USH2A: variants seen among roughly 807,000 people sequenced by gnomAD.
The protein encoded by USH2A is Usher syndrome 2A (autosomal recessive, mild).
A neutral mutation model predicts 538.9 loss-of-function variants in USH2A; 443 were observed. The observed-to-expected ratio is 0.82, with a 90% confidence interval of 0.76 to 0.89. The LOEUF (loss-of-function observed/expected upper bound fraction) is 0.89, where lower values mean the gene tolerates loss of function less well. USH2A is among the 40% of genes least tolerant of loss of function. The probability of loss-of-function intolerance (pLI) is 0.00; values close to 1 mark genes in which losing one functional copy is unlikely to be tolerated. For synonymous variants in USH2A, 2,413 were observed against 2,273.5 expected (o/e 1.06, Z -1.75); for missense variants, 6,633 against 6,324.8 (o/e 1.05, Z -1.65).
rs117516646 is a variant in USH2A at position 216,081,856 on chromosome 1, A to G, written c.5298+1600T>C. Among the ~76,000 whole-genome samples, 10 of 152,166 alleles carry G rather than the reference A, an allele frequency of 6.6e-5. No homozygotes were observed. In the East Asian group the frequency reaches 1.9e-3, roughly 29 times the overall value. ...TACCCTCCTATAATCCCAGGCCTCT[A>G]AAAGTGCTGGAATTATAGGGGTGAG... On this transcript the variant is annotated intron_variant, in intron 26 of 71. Transcript: ENST00000307340.
At chr1:216,024,127 C>T (rs899860136) in intron 32 of USH2A, among the ~76,000 whole-genome samples, 1 of 151,968 alleles carries the variant, frequency 6.6e-6, no homozygotes, top group Admixed American at 6.6e-5. Flanking sequence ...AGCAGGCAGG[C>T]AAACTTTAAA....
intron 21 of USH2A, among the ~76,000 whole-genome samples, chr1:216,117,779 G>A (rs1216027488): frequency 6.7e-6 from 1 of 148,916 alleles, no homozygotes; most frequent in African/African-American, 2.5e-5. Flanking sequence ...CAGAAACACA[G>A]ACACACATAC....
At chr1:215,642,939 G>A (rs557098107) in intron 67 of USH2A, among the ~76,000 whole-genome samples, 13 of 152,224 alleles carry the variant, frequency 8.5e-5, no homozygotes, top group African/African-American at 2.2e-4. Flanking sequence ...CTCCAGACCC[G>A]TTGCTGAGTG....
intron 71 of USH2A, among the ~76,000 whole-genome samples, chr1:215,628,285 C>CTTAT (rs1218964943): frequency 2.0e-5 from 3 of 151,818 alleles, no homozygotes; most frequent in South Asian, 2.1e-4. Context: ...CTGTTTGCTG[C>CTTAT]TTATTTATTT....
chr1:216,379,061 C>T (rs2038887033), intron 3 of USH2A, among the ~76,000 whole-genome samples: 1 of 152,140 alleles, frequency 6.6e-6, no homozygotes, highest in Non-Finnish European at 1.5e-5. Context: ...GGCCTTAGAG[C>T]CCACACTCTG....
rs1553250952 is a variant in USH2A, at chr1:216,327,611, G to C, written c.828C>G (p.Tyr276Ter). ...FVGRMQDFRLYQVALTNREIL... is the reference protein window; with the variant it reads ...FVGRMQDFRL Reference sequence around the variant, plus strand: ...CTTACCTGTTTGTAAGTGCCACTTGGTATAATCGAAAATCTTGCATTCTTC... The same window carrying C: ...CTTACCTGTTTGTAAGTGCCACTTGCTATAATCGAAAATCTTGCATTCTTC... The change falls in exon 5 of 72, where the codon TAC becomes TAG. Residue 276 changes from tyrosine (Y) to a stop codon, truncating the protein, a stop_gained. Coordinates refer to ENST00000307340, the MANE Select transcript of USH2A (RefSeq NM_206933.4). LOFTEE classifies it high-confidence loss of function. 1 of 1,613,166 alleles carries C rather than the reference G, an allele frequency of 6.2e-7. No individual in the cohort carries two copies. The highest frequency in any genetic ancestry group is 8.5e-7 in the Non-Finnish European group (1 of 1,179,468).
At chr1:215,810,887 TA>T (rs1294386135) in intron 49 of USH2A, among the ~76,000 whole-genome samples, 1 of 152,202 alleles carries the variant, frequency 6.6e-6, no homozygotes, top group Non-Finnish European at 1.5e-5. Flanking sequence ...AATTTTGAAA[TA>T]TTTTTGATAG....
At chr1:216,060,332 T>C (rs2031133864) in intron 30 of USH2A, among the ~76,000 whole-genome samples, 1 of 152,200 alleles carries the variant, frequency 6.6e-6, no homozygotes, top group South Asian at 2.1e-4. Flanking sequence ...TCACTAATTA[T>C]TACAGTAGCC....
intron 41 of USH2A, among the ~76,000 whole-genome samples, chr1:215,887,718 A>C (rs1665100744): frequency 1.3e-5 from 2 of 152,206 alleles, no homozygotes; most frequent in South Asian, 4.1e-4. Context: ...CAGCAGATGA[A>C]CTTTGCTGTT....
intron 37 of USH2A, among the ~76,000 whole-genome samples, chr1:215,940,000 C>T (rs1666596868): frequency 1.3e-5 from 2 of 152,002 alleles, no homozygotes; most frequent in Admixed American, 6.6e-5. Flanking sequence ...ATTCATGTGA[C>T]AAAGATTGTA....
chr1:216,099,017 T>C (rs1179012470), intron 21 of USH2A, among the ~76,000 whole-genome samples: 1 of 152,154 alleles, frequency 6.6e-6, no homozygotes, highest in Non-Finnish European at 1.5e-5. Context: ...AAGACAAAGA[T>C]GAAAAAGAAT....
intron 49 of USH2A, among the ~76,000 whole-genome samples, chr1:215,801,946 G>T (rs1348638525): frequency 6.6e-6 from 1 of 151,500 alleles, no homozygotes. Flanking sequence ...ATAGAACAGA[G>T]ATCCTAAAAA....
intron 38 of USH2A, among the ~76,000 whole-genome samples, chr1:215,915,313 T>C (rs1312433383): frequency 1.3e-5 from 2 of 152,002 alleles, no homozygotes; most frequent in Non-Finnish European, 2.9e-5. Context: ...CCCTACCTCT[T>C]CCCCATCCAA....
chr1:216,163,335 T>C (rs942004801), intron 21 of USH2A, among the ~76,000 whole-genome samples: 2 of 152,162 alleles, frequency 1.3e-5, no homozygotes, highest in African/African-American at 4.8e-5. Flanking sequence ...TTATTGATAA[T>C]ATTAATTATA....
At chr1:216,267,598 C>T (rs1032398250) in intron 11 of USH2A, among the ~76,000 whole-genome samples, 4 of 152,056 alleles carry the variant, frequency 2.6e-5, no homozygotes, top group East Asian at 1.9e-4. Context: ...CCAGGCACCA[C>T]GACATCTCTT....
Position 215,675,020 on chromosome 1 carries a change from G to C in USH2A, c.12891C>G (p.Ser4297=). The change falls in exon 63 of 72, where the codon TCC becomes TCG. Residue 4297 remains serine, a synonymous_variant. Transcript: ENST00000307340. ...GCATTTCATTCCTTTGAAGCCTATAGGACTGGATAATACCATTAGACTGTT... is the reference window on the plus strand; with the variant it reads ...GCATTTCATTCCTTTGAAGCCTATACGACTGGATAATACCATTAGACTGTT... ...PPEQSNGIIQ[S]YRLQRNEMLY... The C allele has an allele frequency of 6.2e-7, 1 of 1,614,178 alleles. No homozygotes were observed. Among genetic ancestry groups the C allele is most frequent in the East Asian group, 2.2e-5 (1 of 44,868 alleles).
intron 4 of USH2A, among the ~76,000 whole-genome samples, chr1:216,335,976 C>A (rs2037966302): frequency 6.6e-6 from 1 of 151,480 alleles, no homozygotes; most frequent in Admixed American, 6.6e-5. Context: ...CAAAAGAAAA[C>A]TATAGGCCAA....
At chr1:216,256,321 C>CTTTTTTTTTTTTTTTTTCCTT (rs201852377) in intron 11 of USH2A, among the ~76,000 whole-genome samples, 2 of 125,528 alleles carry the variant, frequency 1.6e-5, no homozygotes, top group Non-Finnish European at 3.4e-5. Flanking sequence ...TTCTTTTTTC[C>CTTTTTTTTTTTTTTTTTCCTT]TTTTTTTTTT....
intron 61 of USH2A, among the ~76,000 whole-genome samples, chr1:215,689,159 C>G (rs1219817992): frequency 1.3e-5 from 2 of 152,048 alleles, no homozygotes; most frequent in South Asian, 2.1e-4. Flanking sequence ...AGGGAAGGAA[C>G]AACTTTGGTC....
Sources: gnomAD v4.1 joint callset for allele counts (sites outside exome capture counted in the v4.1 genomes callset) on GRCh38, gnomAD v4.1.1 for gene constraint, MANE v1.5 for transcripts, NCBI Gene and HGNC (gene_info 2026-07-23, HGNC 2026-07-21) for gene names.